Variants in DNALI1 observed in about 807,000 individuals in gnomAD.
DNALI1 encodes axonemal dynein light intermediate polypeptide 1.
In DNALI1, 31 loss-of-function variants were observed where a neutral mutation model predicts 33.9. The observed-to-expected ratio is 0.91, with a 90% CI of 0.69 to 1.23. The LOEUF is 1.23. Among genes scored for constraint, DNALI1 ranks in the 50% most tolerant of loss-of-function variants. The pLI is 0.00. For synonymous variants in DNALI1, 117 were observed against 129.2 expected, an observed-to-expected ratio of 0.91 and a Z score of 0.64; for missense variants, 305 against 323.8, an observed-to-expected ratio of 0.94 and a Z score of 0.44.
At chr1:37,558,158 A>G (rs1457657034) in intron 2 of DNALI1, 1 of 165,520 alleles carries the variant, frequency 6.0e-6, no homozygotes, top group Non-Finnish European at 1.3e-5. Context: ...CATCCCCCGT[A>G]TTCTCCTTTT....
chr1:37,559,657 C>T lies in DNALI1; in HGVS notation c.397+161C>T, dbSNP rs1447402498. Among the ~76,000 whole-genome samples, 3 of 152,196 alleles carry T rather than the reference C, an allele frequency of 2.0e-5. No individual in the cohort carries two copies. The highest frequency in any genetic ancestry group is 4.4e-5 in the Non-Finnish European group (3 of 68,036). On this transcript the variant is annotated intron_variant, in intron 3 of 5. Coordinates refer to ENST00000652629, the MANE Select transcript of DNALI1 (RefSeq NM_003462.5). This position sits in a 1 kb window ranked among gnomAD's most constrained non-coding sequence, Gnocchi z 5.3. ...GACCCACCCAGCAACAGCTAACTGC[C>T]CCCTTCCCCTTCCCAGCTGAAGGGG...
chr1:37,560,891 T>C (rs1395592872), intron 3 of DNALI1: 1 of 152,166 alleles, frequency 6.6e-6, no homozygotes, highest in Admixed American at 6.5e-5. Context: ...TCCAGAAAAA[T>C]ATTGTGATTT....
intron 5 of DNALI1, among the ~76,000 whole-genome samples, chr1:37,563,001 A>G (rs1466070960): frequency 1.3e-5 from 2 of 152,218 alleles, no homozygotes; most frequent in Non-Finnish European, 2.9e-5. Flanking sequence ...GGGTCCAGCA[A>G]TGTGCTTTAA....
rs780403251 is a variant in DNALI1, at chr1:37,561,578, C to T, written c.419C>T (p.Thr140Ile). The change falls in exon 4 of 6, where the codon ACC (threonine) becomes ATC (isoleucine). Residue 140 changes from threonine to isoleucine, a missense_variant. Coordinates refer to ENST00000652629, the MANE Select transcript of DNALI1 (RefSeq NM_003462.5). The surrounding 1 kb of genome is among the most constrained non-coding windows in gnomAD (Gnocchi z 4.6). ...GAAGATGAGTTGATCCGGGAGGTCA[C>T]CATCAACTGTGCGGAGAGGGGGCTG... is the stretch of plus-strand genomic sequence containing the variant. The part of the protein sequence containing the change: ...QCFDELIREV[T>I]INCAERGLLL... 6.2e-7 allele frequency: 1 copy of T among 1,613,848 alleles called. No homozygotes were observed. The highest frequency in any genetic ancestry group is 1.1e-5 in the South Asian group (1 of 91,024).
rs1170139784 is a variant in DNALI1 at position 37,561,559 on chromosome 1, G to A, written c.400G>A (p.Glu134Lys). The A allele has an allele frequency of 4.3e-6, 7 of 1,613,558 alleles. No homozygotes were observed. Among genetic ancestry groups the A allele is most frequent in the African/African-American group, 1.3e-5 (1 of 74,918 alleles). ...TCATGGTGTGTGTGCATTGGAAGAT[G>A]AGTTGATCCGGGAGGTCACCATCAA... Reference protein sequence around the residue: ...RRELYSQCFDELIREVTINCA... With the variant: ...RRELYSQCFDKLIREVTINCA... Residue 134 changes from glutamate (E) to lysine (K), a missense_variant and splice_region_variant, in exon 4 of 6, where the codon GAG becomes AAG. Coordinates refer to ENST00000652629, the MANE Select transcript of DNALI1 (RefSeq NM_003462.5). The surrounding 1 kb of genome is among the most constrained non-coding windows in gnomAD (Gnocchi z 4.6).
chr1:37,557,554 A>C, intron 1 of DNALI1, 49 bp from the exon 2 acceptor site: 1 of 1,583,938 alleles, frequency 6.3e-7, no homozygotes, highest in Non-Finnish European at 8.6e-7. Context: ...GGATGTGTGG[A>C]GCTGAGCTCC....
At position 37,562,777 on chromosome 1, in the gene DNALI1, C is replaced by T. The variant is rs1570040655; in HGVS notation, c.741+532C>T. Among the ~76,000 whole-genome samples, 1 of 152,044 alleles carries T rather than the reference C, an allele frequency of 6.6e-6. No individual in the cohort carries two copies. The highest frequency in any genetic ancestry group is 1.9e-4 in the East Asian group (1 of 5,164). ...AGGTGCTCTTCCTCGAAGTCCGATG[C>T]CAGCAGTGGTCTTTTATCCAGCTGA... On this transcript the variant is annotated intron_variant, in intron 5 of 5. Transcript: ENST00000652629. This position sits in a 1 kb window ranked among gnomAD's most constrained non-coding sequence, Gnocchi z 5.8.
chr1:37,557,119 AT>A, intron 1 of DNALI1, 44 bp downstream of exon 1: 1 of 1,613,560 alleles, frequency 6.2e-7, no homozygotes, highest in Non-Finnish European at 8.5e-7. Context: ...CGAAACTCCG[AT>A]AGGGAAAGAC....
Position 37,557,679 on chromosome 1 carries a change from C to T in DNALI1, c.158C>T (p.Pro53Leu). Residue 53 changes from proline (P) to leucine (L), a missense_variant, in exon 2 of 6, where the codon CCC becomes CTC. Coordinates refer to ENST00000652629, the MANE Select transcript of DNALI1 (RefSeq NM_003462.5). Reference protein sequence around the residue: ...SAPQPPKTKLPSTPCVPDPTK... With the variant: ...SAPQPPKTKLLSTPCVPDPTK... ...CCACAGCCACCCAAGACCAAGCTCC[C>T]CTCAACTCCCTGTGTCCCAGATCCT... is the stretch of plus-strand genomic sequence containing the variant. 6.2e-7 allele frequency: 1 copy of T among 1,614,084 alleles called. No homozygotes were observed. Among genetic ancestry groups the T allele is most frequent in the Non-Finnish European group, 8.5e-7 (1 of 1,179,984 alleles).
intron 5 of DNALI1, among the ~76,000 whole-genome samples, chr1:37,564,406 G>A (rs1429372626): frequency 6.7e-6 from 1 of 150,208 alleles, no homozygotes; most frequent in Non-Finnish European, 1.5e-5. Context: ...TTTTTGAGAC[G>A]GAGTCTCCCT....
chr1:37,563,467 A>T (rs1458167977), intron 5 of DNALI1, among the ~76,000 whole-genome samples: 1 of 152,190 alleles, frequency 6.6e-6, no homozygotes, highest in Non-Finnish European at 1.5e-5. Flanking sequence ...CCAGGGTGAA[A>T]GATTCTTTAG....
At chr1:37,557,505 G>A in intron 1 of DNALI1, 98 bp from the exon 2 acceptor site, 2 of 1,476,034 alleles carry the variant, frequency 1.4e-6, no homozygotes, top group Non-Finnish European at 1.8e-6. Flanking sequence ...AGGAAGAGGG[G>A]AGGGCTGTGC....
Position 37,565,262 on chromosome 1 carries a change from TGCCA to T in DNALI1, c.*207_*210del. 1.6e-6 allele frequency: 1 copy of T among 607,144 alleles called. No individual in the cohort carries two copies. The highest frequency in any genetic ancestry group is 3.0e-5 in the Admixed American group (1 of 33,630). 37.6% of individuals were successfully genotyped at this position (607,144 alleles called of 1,614,324 possible). ...CCAATGTCATCAGACACCTAAGGTC[TGCCA>T]GCCAGGCTCCTGGCTGGGCAATGGA... is the stretch of plus-strand genomic sequence containing the variant. On this transcript the variant is annotated 3_prime_UTR_variant, in exon 6 of 6. Transcript: ENST00000652629.
chr1:37,557,649 C>T lies in DNALI1; in HGVS notation c.128C>T (p.Ser43Leu). Reference protein sequence around the residue: ...VSPQQPGPSGSAPQPPKTKLP... With the variant: ...VSPQQPGPSGLAPQPPKTKLP... Reference sequence around the variant, plus strand: ...CCCCAGCAGCCTGGACCTTCAGGTTCAGCCCCACAGCCACCCAAGACCAAG... The same window carrying T: ...CCCCAGCAGCCTGGACCTTCAGGTTTAGCCCCACAGCCACCCAAGACCAAG... Residue 43 changes from serine to leucine, a missense_variant, in exon 2 of 6, where the codon TCA becomes TTA. Coordinates refer to ENST00000652629, the MANE Select transcript of DNALI1 (RefSeq NM_003462.5). The T allele has an allele frequency of 6.2e-7, 1 of 1,614,072 alleles. No homozygotes were observed. The highest frequency in any genetic ancestry group is 8.5e-7 in the Non-Finnish European group (1 of 1,179,980).
At position 37,559,638 on chromosome 1, in the gene DNALI1, C is replaced by A; in HGVS notation, c.397+142C>A. The A allele has an allele frequency of 3.0e-6, 3 of 996,658 alleles. No homozygotes were observed. Among genetic ancestry groups the A allele is most frequent in the Non-Finnish European group, 4.0e-6 (3 of 744,044 alleles). 61.7% of individuals were successfully genotyped at this position (996,658 alleles called of 1,614,324 possible). A position where few individuals can be genotyped will look rare whatever the true frequency, so the allele number is the denominator to read the frequency against. On this transcript the variant is annotated intron_variant, in intron 3 of 5. Coordinates refer to ENST00000652629, the MANE Select transcript of DNALI1 (RefSeq NM_003462.5). The surrounding 1 kb of genome is among the most constrained non-coding windows in gnomAD (Gnocchi z 5.3). ...CCCTCTTCTCCCCCTGCCTGACCCA[C>A]CCAGCAACAGCTAACTGCCCCCTTC...
rs1643453880 is a variant in DNALI1 at position 37,562,588 on chromosome 1, T to C, written c.741+343T>C. Among the ~76,000 whole-genome samples the C allele has an allele frequency of 6.6e-6, 1 of 151,952 alleles. No individual in the cohort carries two copies. The highest frequency in any genetic ancestry group is 1.5e-5 in the Non-Finnish European group (1 of 67,962). On this transcript the variant is annotated intron_variant, in intron 5 of 5. Transcript: ENST00000652629. This position sits in a 1 kb window ranked among gnomAD's most constrained non-coding sequence, Gnocchi z 5.8. ...GGAGCCTTTCTGGAGGGGGCTGGGC[T>C]CCAGGTGGCTTGCGTGGTAGTGCCA... is the stretch of plus-strand genomic sequence containing the variant.
rs111910758 is a variant in DNALI1, at chr1:37,562,425, T to C, written c.741+180T>C. On this transcript the variant is annotated intron_variant, in intron 5 of 5. Transcript: ENST00000652629. This position sits in a 1 kb window ranked among gnomAD's most constrained non-coding sequence, Gnocchi z 5.8. ...AGGGCTCCAGAGGGGGTCTCTACTC[T>C]CAACTCCAAATCTCTGAGGCGCCTC... is the stretch of plus-strand genomic sequence containing the variant. Among the ~76,000 whole-genome samples the C allele has an allele frequency of 5.4e-3, 825 of 152,174 alleles. 5 individuals carry two copies. Among genetic ancestry groups the C allele is most frequent in the African/African-American group, 0.018 (756 of 41,512 alleles).
Position 37,566,668 on chromosome 1 carries a change from C to T in DNALI1, c.*1607C>T, listed in dbSNP as rs1485428405. The T allele has an allele frequency of 1.7e-6, 1 of 589,950 alleles. No homozygotes were observed. Among genetic ancestry groups the T allele is most frequent in the African/African-American group, 1.9e-5 (1 of 53,510 alleles). 36.5% of individuals were successfully genotyped at this position (589,950 alleles called of 1,614,324 possible). A position where few individuals can be genotyped will look rare whatever the true frequency, so the allele number is the denominator to read the frequency against. ...TCCAAAGTCTACCTGAAGTGCTAGA[C>T]TTTCAGACTCTTATCACTGAAATCC... is the stretch of plus-strand genomic sequence containing the variant. On this transcript the variant is annotated 3_prime_UTR_variant, in exon 6 of 6. Coordinates refer to ENST00000652629, the MANE Select transcript of DNALI1 (RefSeq NM_003462.5).
intron 2 of DNALI1, among the ~76,000 whole-genome samples, chr1:37,558,632 ACAGGGC>A (rs569735560): frequency 1.0e-3 from 156 of 152,088 alleles, no homozygotes; most frequent in Non-Finnish European, 1.9e-3. Flanking sequence ...CTCTCCTACC[ACAGGGC>A]CCTGACAGCT....
Sources: allele counts gnomAD v4.1 joint callset (sites outside exome capture counted in the v4.1 genomes callset), GRCh38; gene constraint gnomAD v4.1.1; non-coding constraint Gnocchi (gnomAD v3.1); transcripts MANE v1.5; gene names NCBI Gene and HGNC (gene_info 2026-07-23, HGNC 2026-07-21).